Variants in CIRSR observed in about 807,000 individuals in gnomAD.
CIRSR encodes CBF1 (RBPJ) interacting corepressor 1.
At chr2:174,377,929 A>C in the CIRSR span, among the ~76,000 whole-genome samples, 1 of 151,998 alleles carries the variant, frequency 6.6e-6, no homozygotes. Context: ...GCTTGCTGGA[A>C]AGAAGCAGGA....
At chr2:174,362,685 TCAAAAAAAAAAA>T in the CIRSR span, among the ~76,000 whole-genome samples, 1 of 83,994 alleles carries the variant, frequency 1.2e-5, no homozygotes. Context: ...AGACTCTGCC[TCAAAAAAAAAAA>T]AAAAAAAAAA....
At chr2:174,348,345 A>G in the CIRSR span, 2 of 1,220,344 alleles carry the variant, frequency 1.6e-6, no homozygotes, top group South Asian at 3.8e-5. Flanking sequence ...ACTTGAATTG[A>G]CAGTCTAGAG....
the CIRSR span, chr2:174,348,908 C>T: frequency 1.2e-6 from 2 of 1,614,032 alleles, no homozygotes; most frequent in African/African-American, 2.7e-5. Context: ...GCTTTCTCTT[C>T]TTAGACTTGT....
At chr2:174,395,682 G>A in the CIRSR span, 3 of 1,613,584 alleles carry the variant, frequency 1.9e-6, no homozygotes, top group Non-Finnish European at 2.5e-6. Context: ...AACAAACTCA[G>A]CCGCCTAACC....
the CIRSR span, among the ~76,000 whole-genome samples, chr2:174,386,700 G>A: frequency 6.6e-6 from 1 of 152,094 alleles, no homozygotes; most frequent in Admixed American, 6.5e-5. Flanking sequence ...CGCAAAAAAC[G>A]GCGCTCAGTT....
the CIRSR span, chr2:174,378,916 T>C: frequency 6.3e-7 from 1 of 1,579,280 alleles, no homozygotes; most frequent in Non-Finnish European, 8.7e-7. Flanking sequence ...TCATGTCTAG[T>C]GCCTACCTGA....
the CIRSR span, among the ~76,000 whole-genome samples, chr2:174,363,915 C>T: frequency 6.1e-4 from 93 of 152,254 alleles, no homozygotes; most frequent in East Asian, 3.5e-3. Flanking sequence ...CTGGCCCTTC[C>T]CCAATCTCAC....
At chr2:174,351,141 C>T in the CIRSR span, among the ~76,000 whole-genome samples, 2 of 151,908 alleles carry the variant, frequency 1.3e-5, no homozygotes, top group African/African-American at 4.8e-5. Context: ...TCAAAATATC[C>T]ACAATTTTAG....
the CIRSR span, among the ~76,000 whole-genome samples, chr2:174,366,836 T>TA: frequency 2.0e-5 from 3 of 152,310 alleles, no homozygotes; most frequent in Admixed American, 2.0e-4. Flanking sequence ...ATACTTGTAC[T>TA]AACCATGAAA....
the CIRSR span, among the ~76,000 whole-genome samples, chr2:174,365,008 C>T: frequency 6.6e-6 from 1 of 152,152 alleles, no homozygotes; most frequent in African/African-American, 2.4e-5. Context: ...TCTTTTTTAT[C>T]ATATTGTCAG....
chr2:174,368,378 A>G, the CIRSR span, among the ~76,000 whole-genome samples: 1 of 152,278 alleles, frequency 6.6e-6, no homozygotes, highest in African/African-American at 2.4e-5. Context: ...GCATGCTCTC[A>G]GACCATAATG....
chr2:174,377,460 T>C, the CIRSR span, among the ~76,000 whole-genome samples: 2 of 152,144 alleles, frequency 1.3e-5, no homozygotes, highest in Non-Finnish European at 2.9e-5. Flanking sequence ...TTGTGTCACC[T>C]GACAATACTG....
chr2:174,364,134 A>G, the CIRSR span, among the ~76,000 whole-genome samples: 1 of 152,202 alleles, frequency 6.6e-6, no homozygotes, highest in East Asian at 1.9e-4. Flanking sequence ...GCCATGCCAA[A>G]TGAGAGAAAT....
chr2:174,373,286 G>T, the CIRSR span, among the ~76,000 whole-genome samples: 2 of 120,324 alleles, frequency 1.7e-5, no homozygotes, highest in African/African-American at 5.1e-5. Context: ...AATTTCCCTA[G>T]CATCTTATTC....
the CIRSR span, chr2:174,358,050 A>C: frequency 6.6e-6 from 1 of 152,188 alleles, no homozygotes; most frequent in Non-Finnish European, 1.5e-5. Context: ...CCAAGTTCAT[A>C]CTGAAGACAG....
At chr2:174,370,238 A>T in the CIRSR span, among the ~76,000 whole-genome samples, 3 of 152,198 alleles carry the variant, frequency 2.0e-5, no homozygotes, top group Non-Finnish European at 2.9e-5. Flanking sequence ...TTCTGTAGCA[A>T]TAGGGTCTTG....
At chr2:174,381,556 G>A in the CIRSR span, 3 of 577,946 alleles carry the variant, frequency 5.2e-6, no homozygotes, top group East Asian at 9.0e-5. Context: ...GGGAGGCTGA[G>A]GCAGGAGAAT....
At chr2:174,357,558 C>T in the CIRSR span, among the ~76,000 whole-genome samples, 1,643 of 152,280 alleles carry the variant, frequency 0.011, 36 homozygotes, top group African/African-American at 0.038. Flanking sequence ...AAAGTACAAT[C>T]TTCTGTCCCT....
chr2:174,383,898 G>A, the CIRSR span, among the ~76,000 whole-genome samples: 1 of 149,014 alleles, frequency 6.7e-6, no homozygotes. Flanking sequence ...AGGATATGGA[G>A]AAACTGAAAC....
Sources: gnomAD v4.1 joint callset for allele counts (sites outside exome capture counted in the v4.1 genomes callset) on GRCh38, gnomAD v4.1.1 for gene constraint, MANE v1.5 for transcripts, NCBI Gene and HGNC (gene_info 2026-07-23, HGNC 2026-07-21) for gene names.